The following TNR variants were observed in gnomAD, a reference collection of about 807,000 sequenced individuals.
The protein encoded by TNR is tenascin-R.
Under a neutral mutation model 150.4 loss-of-function variants are expected in TNR, and 45 were observed. The observed-to-expected ratio is 0.30, with a 90% CI of 0.24 to 0.38. The LOEUF is 0.38. Among genes scored for constraint, TNR ranks in the 10% least tolerant of loss-of-function variants. The pLI, the probability that TNR is intolerant of heterozygous loss-of-function variation, is 1.00. For missense variants in TNR, 1,544 were observed against 1,759.1 expected (o/e 0.88, Z 2.19); for synonymous variants, 687 against 678.4 (o/e 1.01, Z -0.20).
chr1:175,631,982 T>A (rs1475487124), intron 1 of TNR, among the ~76,000 whole-genome samples: 3 of 152,222 alleles, frequency 2.0e-5, no homozygotes, highest in Non-Finnish European at 4.4e-5. Flanking sequence ...ACAATAGCAA[T>A]GTTTGACTAA....
At chr1:175,735,827 A>G (rs1667755473) in intron 1 of TNR, among the ~76,000 whole-genome samples, 2 of 152,342 alleles carry the variant, frequency 1.3e-5, no homozygotes, top group South Asian at 4.1e-4. Context: ...ACTGCAGAAT[A>G]GGGCTCGGAA....
At chr1:175,331,142 TC>T (rs1649871490) in intron 20 of TNR, among the ~76,000 whole-genome samples, 3 of 145,776 alleles carry the variant, frequency 2.1e-5, no homozygotes, top group South Asian at 2.2e-4. Flanking sequence ...TTTCTTTCTT[TC>T]TTCCTTTCTT....
chr1:175,466,657 T>C (rs1261230440), intron 2 of TNR, among the ~76,000 whole-genome samples: 1 of 152,206 alleles, frequency 6.6e-6, no homozygotes, highest in African/African-American at 2.4e-5. Flanking sequence ...TGTTAGGAAA[T>C]GCTGTTGCTT....
intron 2 of TNR, among the ~76,000 whole-genome samples, chr1:175,475,178 C>G (rs1306819012): frequency 6.6e-6 from 1 of 152,228 alleles, no homozygotes; most frequent in Non-Finnish European, 1.5e-5. Flanking sequence ...TTTCCTGGCA[C>G]TGCTTCCCTG....
chr1:175,427,778 C>T (rs966333536), intron 2 of TNR, among the ~76,000 whole-genome samples: 2 of 139,118 alleles, frequency 1.4e-5, no homozygotes, highest in Non-Finnish European at 3.1e-5. Context: ...TTCCCTCTTT[C>T]TTTCCCTTTC....
intron 1 of TNR, among the ~76,000 whole-genome samples, chr1:175,726,013 C>T (rs889862877): frequency 6.6e-6 from 1 of 152,182 alleles, no homozygotes; most frequent in Non-Finnish European, 1.5e-5. Context: ...GAAAAAAGAA[C>T]TTAGAGTGTT....
At chr1:175,681,901 T>C (rs1374065767) in intron 1 of TNR, among the ~76,000 whole-genome samples, 7 of 152,144 alleles carry the variant, frequency 4.6e-5, no homozygotes, top group Non-Finnish European at 7.4e-5. Flanking sequence ...AATGGGGGTC[T>C]GAAGGGAGGA....
chr1:175,605,266 T>A (rs1307566506), intron 1 of TNR, among the ~76,000 whole-genome samples: 2 of 152,206 alleles, frequency 1.3e-5, no homozygotes, highest in African/African-American at 4.8e-5. Flanking sequence ...ATTTAACCTT[T>A]CCAAAAATTT....
chr1:175,637,502 A>G (rs1664522488), intron 1 of TNR, among the ~76,000 whole-genome samples: 1 of 152,214 alleles, frequency 6.6e-6, no homozygotes, highest in Non-Finnish European at 1.5e-5. Flanking sequence ...GAGGGGAGAT[A>G]GGACTGATTT....
At chr1:175,544,611 G>T (rs1305775245) in intron 1 of TNR, among the ~76,000 whole-genome samples, 1 of 152,176 alleles carries the variant, frequency 6.6e-6, no homozygotes, top group African/African-American at 2.4e-5. Context: ...TAGGTATATT[G>T]GTGCTAATTG....
intron 2 of TNR, among the ~76,000 whole-genome samples, chr1:175,518,278 A>G (rs905721839): frequency 1.3e-5 from 2 of 152,156 alleles, no homozygotes; most frequent in African/African-American, 4.8e-5. Flanking sequence ...AATGCCTTGT[A>G]CAAGCAAGAG....
intron 1 of TNR, among the ~76,000 whole-genome samples, chr1:175,685,712 TA>T (rs1284747367): frequency 2.0e-5 from 3 of 152,188 alleles, no homozygotes; most frequent in Admixed American, 6.5e-5. Context: ...AGCTCTTCCC[TA>T]CATCAGCCTT....
chr1:175,740,187 C>G (rs1339694339), intron 1 of TNR, among the ~76,000 whole-genome samples: 1 of 152,168 alleles, frequency 6.6e-6, no homozygotes, highest in Non-Finnish European at 1.5e-5. Flanking sequence ...CATACCACAT[C>G]TATTAAGTAA....
chr1:175,731,481 T>G (rs1243916945), intron 1 of TNR, among the ~76,000 whole-genome samples: 1 of 152,212 alleles, frequency 6.6e-6, no homozygotes, highest in Non-Finnish European at 1.5e-5. Flanking sequence ...TTCTTTCTAC[T>G]GGGGGAATAA....
chr1:175,630,880 G>C (rs561334303), intron 1 of TNR, among the ~76,000 whole-genome samples: 1 of 152,324 alleles, frequency 6.6e-6, no homozygotes, highest in South Asian at 2.1e-4. Flanking sequence ...AAGGGGAGCA[G>C]GGCAGGGCCC....
chr1:175,579,165 T>TTTCATTCCTTCC (rs1553242566), intron 1 of TNR, among the ~76,000 whole-genome samples: 1 of 134,380 alleles, frequency 7.4e-6, no homozygotes, highest in Non-Finnish European at 1.6e-5. Flanking sequence ...TCGTTCCTTC[T>TTTCATTCCTTCC]TTCCTTCCTT....
chr1:175,615,852 T>C (rs1245329492), intron 1 of TNR, among the ~76,000 whole-genome samples: 1 of 152,216 alleles, frequency 6.6e-6, no homozygotes, highest in Non-Finnish European at 1.5e-5. Context: ...TCCACATATA[T>C]TTAGGTTTTA....
intron 1 of TNR, among the ~76,000 whole-genome samples, chr1:175,657,853 G>GTATATATGTATGTATATATATA (rs1665231853): frequency 1.4e-5 from 1 of 70,460 alleles, no homozygotes; most frequent in African/African-American, 5.9e-5. Context: ...CATGGAACAT[G>GTATATATGTATGTATATATATA]TATATATATA....
chr1:175,378,398 A>G (rs1652512521), intron 9 of TNR, among the ~76,000 whole-genome samples: 1 of 152,192 alleles, frequency 6.6e-6, no homozygotes, highest in Non-Finnish European at 1.5e-5. Context: ...GTTCACAGAG[A>G]TTTAGGTGTA....
Sources: gnomAD v4.1 joint callset for allele counts (sites outside exome capture counted in the v4.1 genomes callset) on GRCh38, gnomAD v4.1.1 for gene constraint, MANE v1.5 for transcripts, NCBI Gene and HGNC (gene_info 2026-07-23, HGNC 2026-07-21) for gene names.